TRAPPC9: variants seen among roughly 807,000 people sequenced by gnomAD.
The protein encoded by TRAPPC9 is trafficking protein particle complex subunit 9.
Under a neutral mutation model 124.0 loss-of-function variants are expected in TRAPPC9, and 83 were observed. The ratio of observed to expected loss-of-function variants is 0.67; its 90% CI spans 0.56 to 0.80. The LOEUF is 0.80. Among genes scored for constraint, TRAPPC9 ranks in the 30% least tolerant of loss-of-function variants. The pLI is 0.00. For missense variants in TRAPPC9, 1,302 were observed against 1,508.3 expected (o/e 0.86, Z 2.27); for synonymous variants, 638 against 617.5 (o/e 1.03, Z -0.49).
chr8:140,049,186 C>A lies in TRAPPC9; in HGVS notation c.2557-25107G>T, dbSNP rs889102575. On this transcript the variant is annotated intron_variant, in intron 17 of 22. Transcript: ENST00000438773. ...CTCATACAGGTAAAGTAAACCCCCACGTTCGCAGGACCTACTGAGGGCAGG... is the reference window on the plus strand; with the variant it reads ...CTCATACAGGTAAAGTAAACCCCCAAGTTCGCAGGACCTACTGAGGGCAGG... Among the ~76,000 whole-genome samples, 2 of 152,332 alleles carry A rather than the reference C, an allele frequency of 1.3e-5. 1 individual carries two copies. The highest frequency in any genetic ancestry group is 6.8e-3 in the Middle Eastern group (2 of 294).
intron 17 of TRAPPC9, among the ~76,000 whole-genome samples, chr8:140,219,761 C>T (rs1263592533): frequency 6.6e-6 from 1 of 152,226 alleles, no homozygotes; most frequent in African/African-American, 2.4e-5. Flanking sequence ...TCCCACAACG[C>T]TGGAAACCTG....
intron 18 of TRAPPC9, among the ~76,000 whole-genome samples, chr8:139,991,447 T>C (rs931814301): frequency 1.2e-4 from 19 of 152,224 alleles, no homozygotes; most frequent in Non-Finnish European, 2.5e-4. Context: ...ATAAGTTTCC[T>C]TTCCCAGACT....
intron 16 of TRAPPC9, among the ~76,000 whole-genome samples, chr8:140,226,856 A>G (rs1037469808): frequency 3.9e-5 from 6 of 152,106 alleles, no homozygotes; most frequent in African/African-American, 9.7e-5. Context: ...TGCAAAAAAA[A>G]AAAGAAAAAA....
intron 17 of TRAPPC9, among the ~76,000 whole-genome samples, chr8:140,196,063 T>C (rs867959965): frequency 5.9e-5 from 3 of 50,674 alleles, no homozygotes; most frequent in Non-Finnish European, 1.2e-4. Context: ...ACAATTCACA[T>C]ACAGACCACA....
intron 17 of TRAPPC9, among the ~76,000 whole-genome samples, chr8:140,146,257 T>C (rs569209040): frequency 5.0e-4 from 76 of 152,382 alleles, no homozygotes; most frequent in Non-Finnish European, 9.7e-4. Flanking sequence ...TGCTGGACTT[T>C]CTAAATATCT....
At chr8:140,408,384 C>T (rs1303907261) in intron 5 of TRAPPC9, among the ~76,000 whole-genome samples, 1 of 152,056 alleles carries the variant, frequency 6.6e-6, no homozygotes, top group Non-Finnish European at 1.5e-5. Flanking sequence ...GAGCTGCTAC[C>T]ACACAAGACT....
rs544360775 is a variant in TRAPPC9, at chr8:140,378,347, T to C, written c.1135-7167A>G. On this transcript the variant is annotated intron_variant, in intron 7 of 22. Transcript: ENST00000438773. ...AGAGGCAGACCCACACTTCATCTGC[T>C]GCCAGCGCAGCTAAGAATATAAGCA... Among the ~76,000 whole-genome samples, 7 of 152,298 alleles carry C rather than the reference T, an allele frequency of 4.6e-5. No homozygotes were observed. The East Asian group carries it at 1.4e-3, about 29-fold the overall frequency.
chr8:140,056,075 C>T (rs1842272678), intron 17 of TRAPPC9, among the ~76,000 whole-genome samples: 1 of 152,026 alleles, frequency 6.6e-6, no homozygotes, highest in African/African-American at 2.4e-5. Context: ...GAGGCATCCA[C>T]TTTCTGATTA....
chr8:139,824,451 G>A lies in TRAPPC9; in HGVS notation c.3055+61428C>T, dbSNP rs1200621196. ...GCAGTGGAGCACGTCGGGCGGTGGA[G>A]GAAACCCACGTCTGAGCAGGGCGAC... is the stretch of plus-strand genomic sequence containing the variant. On this transcript the variant is annotated intron_variant, in intron 21 of 22. Transcript: ENST00000438773. 2.0e-5 allele frequency among the ~76,000 whole-genome samples: 3 copies of A among 152,320 alleles called. No individual in the cohort carries two copies. The East Asian group carries it at 5.8e-4, about 29-fold the overall frequency.
At chr8:140,406,664 G>A (rs1010236654) in intron 5 of TRAPPC9, among the ~76,000 whole-genome samples, 3 of 152,226 alleles carry the variant, frequency 2.0e-5, no homozygotes, top group Non-Finnish European at 4.4e-5. Context: ...GGTAAGTGGA[G>A]AGATGGATGG....
chr8:140,027,976 A>G (rs1270058333), intron 17 of TRAPPC9, among the ~76,000 whole-genome samples: 1 of 152,200 alleles, frequency 6.6e-6, no homozygotes, highest in East Asian at 1.9e-4. Context: ...TATGGGGATT[A>G]CAATTCAAGA....
chr8:139,992,052 T>C (rs760510843), intron 18 of TRAPPC9, among the ~76,000 whole-genome samples: 21 of 152,134 alleles, frequency 1.4e-4, no homozygotes, highest in Non-Finnish European at 2.6e-4. Flanking sequence ...TCATTTTTTA[T>C]AAACTTATAA....
chr8:140,194,992 A>G (rs2062604233), intron 17 of TRAPPC9, among the ~76,000 whole-genome samples: 1 of 151,990 alleles, frequency 6.6e-6, no homozygotes, highest in African/African-American at 2.4e-5. Context: ...AACACACTCA[A>G]GGTTCTACTG....
intron 5 of TRAPPC9, among the ~76,000 whole-genome samples, chr8:140,422,847 T>C (rs2070270393): frequency 6.6e-6 from 1 of 151,956 alleles, no homozygotes; most frequent in Non-Finnish European, 1.5e-5. Context: ...AGATATTTTT[T>C]CAAAGAAAAT....
chr8:140,109,092 A>C (rs529055015), intron 17 of TRAPPC9, among the ~76,000 whole-genome samples: 24 of 152,244 alleles, frequency 1.6e-4, no homozygotes, highest in South Asian at 8.3e-4. Context: ...CTCTAGGTAC[A>C]TGTTTGGATT....
Position 139,739,752 on chromosome 8 carries a change from G to A in TRAPPC9, c.3056-7550C>T, listed in dbSNP as rs571066177. On this transcript the variant is annotated intron_variant, in intron 21 of 22. Transcript: ENST00000438773. ...CTGATCTGAAGCGACCTTGTTTATC[G>A]ATTTGTTTCATTGTTAACTACCCGT... 2.5e-4 allele frequency among the ~76,000 whole-genome samples: 38 copies of A among 152,322 alleles called. No individual in the cohort carries two copies. In the South Asian group the frequency reaches 7.9e-3, roughly 32 times the overall value.
rs2129919730 is a variant in TRAPPC9, at chr8:139,730,991, T to C, written c.*70A>G. ...GGGCTGCAGTGAAGGCCTTGCTCAT[T>C]GCAGGGGGTGTGGGAGGCCAGGCAG... On this transcript the variant is annotated 3_prime_UTR_variant, in exon 23 of 23. Transcript: ENST00000438773. 1.9e-6 allele frequency: 3 copies of C among 1,564,742 alleles called. No homozygotes were observed. The South Asian group carries it at 3.4e-5, about 18-fold the overall frequency.
At chr8:140,238,215 A>G (rs1384958292) in intron 16 of TRAPPC9, 1 of 152,228 alleles carries the variant, frequency 6.6e-6, no homozygotes, top group Admixed American at 6.5e-5. Flanking sequence ...GATGAATGAC[A>G]AACACCTGGA....
At chr8:139,757,281 G>A (rs1349966162) in intron 21 of TRAPPC9, among the ~76,000 whole-genome samples, 1 of 143,068 alleles carries the variant, frequency 7.0e-6, no homozygotes, top group Non-Finnish European at 1.5e-5. Flanking sequence ...TGCAGGAGGA[G>A]CCAGGGTTTG....
Sources: allele counts gnomAD v4.1 joint callset (sites outside exome capture counted in the v4.1 genomes callset), GRCh38; gene constraint gnomAD v4.1.1; transcripts MANE v1.5; gene names NCBI Gene and HGNC (gene_info 2026-07-23, HGNC 2026-07-21).